Variants in PATJ observed in about 807,000 individuals in gnomAD.
PATJ encodes the protein PATJ crumbs cell polarity complex component.
PATJ carries 190 observed loss-of-function variants against 224.9 expected under a neutral mutation model. The observed-to-expected ratio is 0.84, with a 90% CI of 0.75 to 0.95. The LOEUF is 0.95. Among genes scored for constraint, PATJ ranks in the 40% least tolerant of loss-of-function variants. The pLI is 0.00. For missense variants in PATJ, 2,121 were observed against 2,270.3 expected, an observed-to-expected ratio of 0.93 and a Z score of 1.34; for synonymous variants, 769 against 820.3, an observed-to-expected ratio of 0.94 and a Z score of 1.07.
intron 1 of PATJ, among the ~76,000 whole-genome samples, chr1:61,752,678 G>A (rs904286538): frequency 6.6e-6 from 1 of 152,076 alleles, no homozygotes; most frequent in African/African-American, 2.4e-5. Flanking sequence ...CTATTCACAA[G>A]TTTTAATTTC....
chr1:61,911,379 A>G (rs865984263), intron 25 of PATJ, among the ~76,000 whole-genome samples: 86 of 152,132 alleles, frequency 5.7e-4, no homozygotes, highest in African/African-American at 2.0e-3. Flanking sequence ...ACGCTCAGCT[A>G]ATTTTTGTAT....
chr1:62,129,752 A>G (rs184287377), intron 41 of PATJ, among the ~76,000 whole-genome samples: 237 of 151,994 alleles, frequency 1.6e-3, no homozygotes, highest in Admixed American at 2.5e-3. Flanking sequence ...ACCAGCCTGG[A>G]CAACATGGTG....
At chr1:61,770,360 C>T (rs1182677470) in intron 5 of PATJ, among the ~76,000 whole-genome samples, 1 of 152,112 alleles carries the variant, frequency 6.6e-6, no homozygotes, top group East Asian at 1.9e-4. Context: ...CTTTAGGATG[C>T]ACTTTAACAT....
At chr1:61,763,407 C>T (rs190541072) in intron 3 of PATJ, among the ~76,000 whole-genome samples, 73 of 151,682 alleles carry the variant, frequency 4.8e-4, no homozygotes, top group African/African-American at 1.6e-3. Context: ...TGGCATGTAC[C>T]GGTAGTCCCA....
At chr1:61,973,439 A>G (rs1282189696) in intron 27 of PATJ, among the ~76,000 whole-genome samples, 1 of 152,090 alleles carries the variant, frequency 6.6e-6, no homozygotes, top group Admixed American at 6.5e-5. Flanking sequence ...TAAAGGAACC[A>G]GGTCAGTTTG....
chr1:62,098,789 G>A (rs1167184755), intron 33 of PATJ, among the ~76,000 whole-genome samples: 1 of 152,058 alleles, frequency 6.6e-6, no homozygotes, highest in Non-Finnish European at 1.5e-5. Context: ...GAATATAATA[G>A]GGAAGCTTTT....
intron 3 of PATJ, among the ~76,000 whole-genome samples, chr1:61,764,276 A>G (rs1646139146): frequency 6.6e-6 from 1 of 152,204 alleles, no homozygotes; most frequent in South Asian, 2.1e-4. Context: ...CCTTGGAAGC[A>G]GAATACCTGG....
chr1:61,793,722 C>CA (rs34149615), intron 9 of PATJ, among the ~76,000 whole-genome samples: 11,770 of 73,508 alleles, frequency 0.16, 610 homozygotes, highest in Middle Eastern at 0.21. Flanking sequence ...GATCCTGTTT[C>CA]AAAAAAAAAA....
At chr1:62,006,672 TAAG>T (rs1646112844) in intron 28 of PATJ, among the ~76,000 whole-genome samples, 1 of 152,296 alleles carries the variant, frequency 6.6e-6, no homozygotes, top group African/African-American at 2.4e-5. Context: ...TACATAAATA[TAAG>T]AAGACTTACC....
At chr1:61,957,471 T>C (rs961386358) in intron 27 of PATJ, among the ~76,000 whole-genome samples, 2 of 152,234 alleles carry the variant, frequency 1.3e-5, no homozygotes, top group African/African-American at 4.8e-5. Context: ...GTCTTTTTTT[T>C]CTTACTTTAA....
At chr1:62,000,193 G>GTTTTTT (rs776217887) in intron 28 of PATJ, among the ~76,000 whole-genome samples, 3 of 147,938 alleles carry the variant, frequency 2.0e-5, no homozygotes, top group African/African-American at 7.6e-5. Flanking sequence ...CCAGCCTAGA[G>GTTTTTT]TTTTTTGTTT....
At chr1:61,998,375 C>T (rs767194666) in intron 28 of PATJ, among the ~76,000 whole-genome samples, 2 of 151,706 alleles carry the variant, frequency 1.3e-5, no homozygotes, top group African/African-American at 2.4e-5. Context: ...TGAGCCACTG[C>T]GCCTAGCCCA....
intron 25 of PATJ, among the ~76,000 whole-genome samples, chr1:61,912,901 C>T (rs1480092441): frequency 1.3e-5 from 2 of 152,162 alleles, no homozygotes; most frequent in Non-Finnish European, 2.9e-5. Context: ...ACAAGGAACA[C>T]ATGCCTGTAA....
chr1:61,789,842 T>C (rs1649409737), intron 8 of PATJ, among the ~76,000 whole-genome samples: 1 of 152,054 alleles, frequency 6.6e-6, no homozygotes, highest in Admixed American at 6.6e-5. Flanking sequence ...CAAATTGTGG[T>C]TACATTTTCT....
At chr1:61,769,210 T>C in intron 4 of PATJ, 73 bp from the exon 5 acceptor site, 1 of 1,470,920 alleles carries the variant, frequency 6.8e-7, no homozygotes, top group Non-Finnish European at 9.2e-7. Context: ...TGCTAAGCAA[T>C]TTCAGTTCTG....
intron 1 of PATJ, among the ~76,000 whole-genome samples, chr1:61,744,895 T>G (rs1644947585): frequency 6.6e-6 from 1 of 152,206 alleles, no homozygotes; most frequent in Non-Finnish European, 1.5e-5. Flanking sequence ...GTTAACTTGC[T>G]AGAGCAGCTC....
intron 36 of PATJ, 139 bp downstream of exon 36, chr1:62,116,818 T>A: frequency 1.2e-6 from 1 of 836,036 alleles, no homozygotes. Context: ...CTGATTATTT[T>A]AAATGAGCCA....
chr1:62,099,579 C>A (rs1488341497), intron 33 of PATJ, among the ~76,000 whole-genome samples: 1 of 151,566 alleles, frequency 6.6e-6, no homozygotes, highest in Non-Finnish European at 1.5e-5. Flanking sequence ...ATGAGTATGG[C>A]AAAGATTGAG....
intron 34 of PATJ, 47 bp from the exon 35 acceptor site, chr1:62,114,006 G>A: frequency 6.4e-7 from 1 of 1,572,408 alleles, no homozygotes; most frequent in Non-Finnish European, 8.7e-7. Context: ...AGAGAAGGCA[G>A]AGACCTCTGC....
Sources: allele counts gnomAD v4.1 joint callset (sites outside exome capture counted in the v4.1 genomes callset), GRCh38; gene constraint gnomAD v4.1.1; transcripts MANE v1.5; gene names NCBI Gene and HGNC (gene_info 2026-07-23, HGNC 2026-07-21).